PRKCQ: variants seen among roughly 807,000 people sequenced by gnomAD.
PRKCQ encodes the protein protein kinase C theta type.
A neutral mutation model predicts 91.2 loss-of-function variants in PRKCQ; 41 were observed. That is an observed-to-expected ratio of 0.45 (90% CI 0.35 to 0.58). PRKCQ has a LOEUF of 0.58. Ranked by LOEUF, PRKCQ falls within the 20% of genes least tolerant of loss-of-function variation. The pLI, the probability that PRKCQ is intolerant of heterozygous loss-of-function variation, is 0.00. For missense variants in PRKCQ, 673 were observed against 896.5 expected (o/e 0.75, Z 3.18); for synonymous variants, 307 against 316.9 (o/e 0.97, Z 0.33).
At chr10:6,466,230 T>G (rs1234219320) in intron 12 of PRKCQ, among the ~76,000 whole-genome samples, 1 of 152,224 alleles carries the variant, frequency 6.6e-6, no homozygotes, top group Non-Finnish European at 1.5e-5. Context: ...ACACTGTCAA[T>G]TTAGATGTGG....
At position 6,580,273 on chromosome 10, in the gene PRKCQ, G is replaced by C. The variant is rs1216663094; in HGVS notation, c.-72C>G. On this transcript the variant is annotated 5_prime_UTR_variant, in exon 1 of 18. Transcript: ENST00000263125. ...TGGGACTGCGCGGGGACTGCGCGGGGACTGCGCGGGGACTGGCGGGGCTGG... is the reference window on the plus strand; with the variant it reads ...TGGGACTGCGCGGGGACTGCGCGGGCACTGCGCGGGGACTGGCGGGGCTGG... The C allele has an allele frequency of 3.4e-5, 2 of 59,156 alleles. No individual in the cohort carries two copies. The highest frequency in any genetic ancestry group is 5.7e-5 in the Non-Finnish European group (1 of 17,646). The allele number at this position is 59,156 out of a possible 1,614,324, so 3.7% of individuals were successfully genotyped here. A position where few individuals can be genotyped will look rare whatever the true frequency, so the allele number is the denominator to read the frequency against.
At chr10:6,416,274 G>T in the PRKCQ span, among the ~76,000 whole-genome samples, 2 of 151,828 alleles carry the variant, frequency 1.3e-5, no homozygotes, top group Admixed American at 1.3e-4. Flanking sequence ...ACATGGATAC[G>T]TTCTTTAGCG....
At chr10:6,506,625 T>C (rs754859642) in intron 4 of PRKCQ, among the ~76,000 whole-genome samples, 13 of 152,360 alleles carry the variant, frequency 8.5e-5, no homozygotes, top group Middle Eastern at 3.4e-3. Flanking sequence ...GATTATTTCA[T>C]AATATTGTTT....
In PRKCQ at chr10:6,501,425, A is replaced by G. The variant is rs537885619; in HGVS notation, c.380-2867T>C. 2.6e-5 allele frequency among the ~76,000 whole-genome samples: 4 copies of G among 152,232 alleles called. No individual in the cohort carries two copies. The South Asian group carries it at 8.3e-4, about 32-fold the overall frequency. On this transcript the variant is annotated intron_variant, in intron 4 of 17. Transcript: ENST00000263125. ...TTGATAGAGCAGGACTGCTGGGATG[A>G]GAGGTGTGCAACCAAGAAAGGGAGC...
intron 1 of PRKCQ, among the ~76,000 whole-genome samples, chr10:6,561,865 A>G (rs910985635): frequency 1.3e-5 from 2 of 152,230 alleles, no homozygotes; most frequent in South Asian, 4.1e-4. Flanking sequence ...TTAGCATGTT[A>G]TTAAACACAG....
chr10:6,523,512 T>C (rs113266389), intron 1 of PRKCQ, among the ~76,000 whole-genome samples: 2,657 of 152,078 alleles, frequency 0.017, 41 homozygotes, highest in Non-Finnish European at 0.023. Flanking sequence ...ACCCCTACAA[T>C]ACAGTGACAA....
At chr10:6,509,331 C>G (rs536886468) in intron 3 of PRKCQ, among the ~76,000 whole-genome samples, 1 of 152,246 alleles carries the variant, frequency 6.6e-6, no homozygotes, top group East Asian at 1.9e-4. Context: ...CCGACTTATC[C>G]TTTCATTAAT....
chr10:6,518,709 G>A (rs566717326), intron 1 of PRKCQ, among the ~76,000 whole-genome samples: 19 of 152,030 alleles, frequency 1.2e-4, no homozygotes, highest in Admixed American at 7.2e-4. Context: ...TAATCCCAGC[G>A]ACTCTGGAGG....
intron 1 of PRKCQ, among the ~76,000 whole-genome samples, chr10:6,536,026 C>T (rs547453078): frequency 6.6e-6 from 1 of 152,216 alleles, no homozygotes; most frequent in East Asian, 1.9e-4. Context: ...GGTTCTAGGT[C>T]ACCCTTGGGG....
At chr10:6,399,098 G>A in the PRKCQ span, among the ~76,000 whole-genome samples, 3 of 152,276 alleles carry the variant, frequency 2.0e-5, no homozygotes, top group East Asian at 5.8e-4. Context: ...AGCCATTAAA[G>A]CTGAATTTCT....
At chr10:6,463,833 C>G (rs3793725) in intron 13 of PRKCQ, among the ~76,000 whole-genome samples, 13,379 of 152,164 alleles carry the variant, frequency 0.088, 918 homozygotes, top group East Asian at 0.35. Context: ...GTACACACAG[C>G]CTGCCCCGTC....
At chr10:6,402,756 A>G in the PRKCQ span, among the ~76,000 whole-genome samples, 2 of 152,288 alleles carry the variant, frequency 1.3e-5, no homozygotes, top group East Asian at 3.9e-4. Context: ...CTAAAAGTAC[A>G]AAAATTAGCC....
At chr10:6,502,171 G>T (rs776734395) in intron 4 of PRKCQ, among the ~76,000 whole-genome samples, 1 of 152,218 alleles carries the variant, frequency 6.6e-6, no homozygotes, top group Non-Finnish European at 1.5e-5. Flanking sequence ...GAAAATCGAT[G>T]TGTCAGAACA....
chr10:6,534,746 TACTTA>T (rs945817026), intron 1 of PRKCQ, among the ~76,000 whole-genome samples: 25 of 147,192 alleles, frequency 1.7e-4, no homozygotes, highest in African/African-American at 6.2e-4. Flanking sequence ...TTACAGAATA[TACTTA>T]AAAGTTAAAT....
chr10:6,467,409 G>C (rs927740941), intron 12 of PRKCQ, among the ~76,000 whole-genome samples: 1 of 130,414 alleles, frequency 7.7e-6, no homozygotes, highest in Non-Finnish European at 1.7e-5. Context: ...GAGAGAGAGA[G>C]AGAGAGAGAG....
chr10:6,431,001 C>A, intron 16 of PRKCQ, 63 bp from the exon 17 acceptor site: 3 of 1,554,624 alleles, frequency 1.9e-6, no homozygotes, highest in South Asian at 2.4e-5. Context: ...ATCAGGAGGT[C>A]GTGGTGCTTC....
rs1564285178 is a variant in PRKCQ at position 6,428,107 on chromosome 10, T to G, written c.*100A>C. On this transcript the variant is annotated 3_prime_UTR_variant, in exon 18 of 18. Coordinates refer to ENST00000263125, the MANE Select transcript of PRKCQ (RefSeq NM_006257.5). ...GGTCTCAGTCTTTATTGTTGAGTGT[T>G]TCTTTCTTTTTCCAAGTTGAAAAAG... 4.1e-6 allele frequency: 6 copies of G among 1,476,008 alleles called. No homozygotes were observed. The highest frequency in any genetic ancestry group is 5.6e-6 in the Non-Finnish European group (6 of 1,069,220). 91.4% of individuals were successfully genotyped at this position (1,476,008 alleles called of 1,614,324 possible). A position where few individuals can be genotyped will look rare whatever the true frequency, so the allele number is the denominator to read the frequency against.
rs74364302 is a variant in PRKCQ at position 6,520,854 on chromosome 10, C to T, written c.-9-5710G>A. 9.6e-3 allele frequency among the ~76,000 whole-genome samples: 1,456 copies of T among 152,250 alleles called. 19 individuals are homozygous for T. Among genetic ancestry groups the T allele is most frequent in the African/African-American group, 0.033 (1,359 of 41,536 alleles). Reference sequence around the variant, plus strand: ...GACTTATAGAGCCCCACCAGGATGTCGCCTACTTGATTCTTGAGATGCTAC... The same window carrying T: ...GACTTATAGAGCCCCACCAGGATGTTGCCTACTTGATTCTTGAGATGCTAC... On this transcript the variant is annotated intron_variant, in intron 1 of 17. Coordinates refer to ENST00000263125, the MANE Select transcript of PRKCQ (RefSeq NM_006257.5).
chr10:6,416,240 T>TG, the PRKCQ span, among the ~76,000 whole-genome samples: 26,985 of 151,618 alleles, frequency 0.18, 2,967 homozygotes, highest in Non-Finnish European at 0.24. Context: ...ATAGTTTTTT[T>TG]GGGGGTGCAG....
Sources: allele counts gnomAD v4.1 joint callset (sites outside exome capture counted in the v4.1 genomes callset), GRCh38; gene constraint gnomAD v4.1.1; transcripts MANE v1.5; gene names NCBI Gene and HGNC (gene_info 2026-07-23, HGNC 2026-07-21).